The following UTRN variants were observed in gnomAD, a reference collection of about 807,000 sequenced individuals.
UTRN encodes the protein utrophin, also known as dystrophin-related protein 1.
In UTRN, 283 loss-of-function variants were observed where a neutral mutation model predicts 463.9. That is an observed-to-expected ratio of 0.61 (90% CI 0.55 to 0.67). UTRN has a LOEUF of 0.67. UTRN is among the 30% of genes least tolerant of loss of function. The pLI is 0.00. For missense variants in UTRN, 3,922 were observed against 4,084.3 expected (o/e 0.96, Z 1.08); for synonymous variants, 1,442 against 1,431.5 (o/e 1.01, Z -0.17).
At chr6:144,538,753 C>A (rs1043168359) in intron 44 of UTRN, among the ~76,000 whole-genome samples, 1 of 151,656 alleles carries the variant, frequency 6.6e-6, no homozygotes, top group Non-Finnish European at 1.5e-5. Context: ...CTTACTAATT[C>A]AGAGATTTTG....
At chr6:144,708,301 A>G in intron 53 of UTRN, 1 of 666,658 alleles carries the variant, frequency 1.5e-6, no homozygotes, top group Non-Finnish European at 2.9e-6. Flanking sequence ...TTCTTTTACA[A>G]GACCATGTAT....
Position 144,436,095 on chromosome 6 carries a change from C to T in UTRN, c.1016C>T (p.Ser339Phe), listed in dbSNP as rs761279198. 33 of 1,614,034 alleles carry T rather than the reference C, an allele frequency of 2.0e-5. No homozygotes were observed. Among genetic ancestry groups the T allele is most frequent in the Non-Finnish European group, 2.5e-6 (3 of 1,180,042 alleles). ...ACTTTCCAGGAGCAGGATGATATTTCTGATGATGTTGAAGAAGTCAAAGAC... is the reference window on the plus strand; with the variant it reads ...ACTTTCCAGGAGCAGGATGATATTTTTGATGATGTTGAAGAAGTCAAAGAC... ...EDTFQEQDDI[S>F]DDVEEVKDQF... The change falls in exon 10 of 75, where the codon TCT becomes TTT. Residue 339 changes from serine to phenylalanine, a missense_variant. Ser to Phe is a radical substitution (Grantham distance 155). Around this residue, in one of 3 missense-constraint regions of UTRN, gnomAD observed 2,349 missense variants for 2,303.8 expected, o/e 1.02. Transcript: ENST00000367545.
intron 23 of UTRN, among the ~76,000 whole-genome samples, chr6:144,468,591 A>AGTGTGTGTGTGT (rs113136064): frequency 7.8e-4 from 117 of 150,402 alleles, no homozygotes; most frequent in African/African-American, 2.6e-3. Context: ...CCCTTAAAGA[A>AGTGTGTGTGTGT]ATGTGTGTGT....
intron 3 of UTRN, among the ~76,000 whole-genome samples, chr6:144,417,498 A>G (rs1352458351): frequency 2.0e-5 from 3 of 149,586 alleles, no homozygotes; most frequent in African/African-American, 7.7e-5. Context: ...AATACAACTA[A>G]ATCTTTATAA....
intron 65 of UTRN, among the ~76,000 whole-genome samples, chr6:144,813,650 G>A (rs539374061): frequency 6.6e-6 from 1 of 152,232 alleles, no homozygotes; most frequent in South Asian, 2.1e-4. Flanking sequence ...ATAAATCCAG[G>A]TGGCGATAAG....
chr6:144,688,771 G>T (rs1186873715), intron 52 of UTRN, among the ~76,000 whole-genome samples: 1 of 152,164 alleles, frequency 6.6e-6, no homozygotes, highest in African/African-American at 2.4e-5. Context: ...TCTCTTGAAG[G>T]TTATCTCATT....
chr6:144,304,249 G>A lies in UTRN; in HGVS notation c.79+12342G>A, dbSNP rs573953686. 4.6e-5 allele frequency among the ~76,000 whole-genome samples: 7 copies of A among 152,060 alleles called. 1 individual carries two copies. Among genetic ancestry groups the A allele is most frequent in the Non-Finnish European group, 1.5e-5 (1 of 67,982 alleles). On this transcript the variant is annotated intron_variant, in intron 2 of 74. Coordinates refer to ENST00000367545, the MANE Select transcript of UTRN (RefSeq NM_007124.3). ...CCTTAACCTTCAAGAAAAAACAAAA[G>A]CTCTCATTTGTAAACACTTGCAAGC...
intron 2 of UTRN, among the ~76,000 whole-genome samples, chr6:144,294,615 A>C (rs917646998): frequency 1.3e-5 from 2 of 151,022 alleles, no homozygotes; most frequent in Non-Finnish European, 1.5e-5. Context: ...ATTGGATGAA[A>C]GTGGGGGGAC....
intron 52 of UTRN, among the ~76,000 whole-genome samples, chr6:144,692,279 A>G (rs1362071055): frequency 3.9e-5 from 6 of 152,280 alleles, no homozygotes; most frequent in African/African-American, 9.6e-5. Context: ...CAGTTTTTCA[A>G]TCCAGTCTTA....
intron 54 of UTRN, among the ~76,000 whole-genome samples, chr6:144,732,214 T>TTTTATATATATATA (rs1319415092): frequency 1.1e-5 from 1 of 92,304 alleles, no homozygotes; most frequent in East Asian, 4.9e-4. Flanking sequence ...GTACTCTGTT[T>TTTTATATATATATA]TATATATATA....
chr6:144,664,421 C>CT (rs1239538985), intron 51 of UTRN, among the ~76,000 whole-genome samples: 1 of 149,850 alleles, frequency 6.7e-6, no homozygotes. Flanking sequence ...ATCACACTAT[C>CT]TGAGTTTGTT....
At chr6:144,633,406 T>C (rs1301506846) in intron 51 of UTRN, among the ~76,000 whole-genome samples, 1 of 151,676 alleles carries the variant, frequency 6.6e-6, no homozygotes, top group South Asian at 2.1e-4. Context: ...ATATTTTGTA[T>C]TTTTTTTAGT....
chr6:144,845,198 A>G (rs1279269714), intron 73 of UTRN, among the ~76,000 whole-genome samples: 1 of 150,864 alleles, frequency 6.6e-6, no homozygotes, highest in Admixed American at 6.7e-5. Flanking sequence ...CCTGGCAAGG[A>G]GTTAAGGAAA....
chr6:144,351,775 G>A (rs930812082), intron 2 of UTRN, among the ~76,000 whole-genome samples: 3 of 152,128 alleles, frequency 2.0e-5, no homozygotes, highest in South Asian at 2.1e-4. Context: ...GTTGAATGCC[G>A]CTGATCCAAA....
At chr6:144,319,309 G>T (rs1227834007) in intron 2 of UTRN, among the ~76,000 whole-genome samples, 1 of 152,150 alleles carries the variant, frequency 6.6e-6, no homozygotes, top group African/African-American at 2.4e-5. Flanking sequence ...TAGACTTTCT[G>T]TACTTGTGTG....
chr6:144,636,624 C>T (rs1777205027), intron 51 of UTRN, among the ~76,000 whole-genome samples: 1 of 152,176 alleles, frequency 6.6e-6, no homozygotes, highest in Non-Finnish European at 1.5e-5. Flanking sequence ...TAGATTTTAG[C>T]AGCAGAAGTA....
rs1003511755 is a variant in UTRN at position 144,285,460 on chromosome 6, C to G, written c.-454C>G. Among the ~76,000 whole-genome samples, 15 of 152,184 alleles carry G rather than the reference C, an allele frequency of 9.9e-5. No homozygotes were observed. In the South Asian group the frequency reaches 2.9e-3, roughly 29 times the overall value. ...AATCACGGGGAGCGGCGCCCCCCTTCTTTTGGGTCATTTCTGCAAACGGAA... is the reference window on the plus strand; with the variant it reads ...AATCACGGGGAGCGGCGCCCCCCTTGTTTTGGGTCATTTCTGCAAACGGAA... On this transcript the variant is annotated 5_prime_UTR_variant, in exon 1 of 75. Coordinates refer to ENST00000367545, the MANE Select transcript of UTRN (RefSeq NM_007124.3).
At chr6:144,406,356 CTTTTTTTTTTTT>C (rs57721924) in intron 3 of UTRN, among the ~76,000 whole-genome samples, 2 of 125,554 alleles carry the variant, frequency 1.6e-5, no homozygotes, top group East Asian at 4.3e-4. Context: ...TTTTTCTTTT[CTTTTTTTTTTTT>C]TTTTTTTTTG....
intron 51 of UTRN, among the ~76,000 whole-genome samples, chr6:144,634,193 T>C (rs929652198): frequency 1.3e-5 from 2 of 152,262 alleles, no homozygotes; most frequent in Non-Finnish European, 2.9e-5. Context: ...TTCAGGATTT[T>C]AGAGCCCAGT....
Sources: allele counts gnomAD v4.1 joint callset (sites outside exome capture counted in the v4.1 genomes callset), GRCh38; gene constraint gnomAD v4.1.1; regional missense constraint gnomAD v4.1.1; transcripts MANE v1.5; gene names NCBI Gene and HGNC (gene_info 2026-07-23, HGNC 2026-07-21).